Variants in SNX30 observed in about 807,000 individuals in gnomAD.
SNX30 encodes sorting nexin-30.
Under a neutral mutation model 46.4 loss-of-function variants are expected in SNX30, and 24 were observed. The ratio of observed to expected loss-of-function variants is 0.52; its 90% CI spans 0.37 to 0.73. The LOEUF is 0.73. SNX30 is among the 30% of genes least tolerant of loss of function. The pLI, the probability that SNX30 is intolerant of heterozygous loss-of-function variation, is 0.00. For missense variants in SNX30, 533 were observed against 555.7 expected, an observed-to-expected ratio of 0.96 and a Z score of 0.41; for synonymous variants, 189 against 211.5, an observed-to-expected ratio of 0.89 and a Z score of 0.92.
chr9:112,851,102 C>T (rs563245397), intron 7 of SNX30, among the ~76,000 whole-genome samples, 157 bp downstream of exon 7: 1 of 152,310 alleles, frequency 6.6e-6, no homozygotes, highest in South Asian at 2.1e-4. Flanking sequence ...TGTCCTATTT[C>T]TGCGAGTTCC....
At chr9:112,838,868 C>A (rs889741085) in intron 6 of SNX30, among the ~76,000 whole-genome samples, 171 bp downstream of exon 6, 2 of 151,514 alleles carry the variant, frequency 1.3e-5, no homozygotes, top group Admixed American at 6.6e-5. Flanking sequence ...ACATGGTGAA[C>A]GAAGTACGTG....
intron 1 of SNX30, among the ~76,000 whole-genome samples, chr9:112,791,888 T>A (rs1840030914): frequency 6.6e-6 from 1 of 152,182 alleles, no homozygotes; most frequent in African/African-American, 2.4e-5. Context: ...TAAATTGTAT[T>A]GATAAATTTC....
At chr9:112,880,432 A>G (rs1289248684) in exon 5 of SNX30, 2 of 153,530 alleles carry the variant, frequency 1.3e-5, no homozygotes, top group East Asian at 1.9e-4. Flanking sequence ...GCTAGTGCCA[A>G]CCAGCCTGAA....
At chr9:112,859,911 G>A (rs1160310311) in intron 7 of SNX30, among the ~76,000 whole-genome samples, 1 of 151,690 alleles carries the variant, frequency 6.6e-6, no homozygotes, top group Non-Finnish European at 1.5e-5. Flanking sequence ...TTATGATGTT[G>A]AGCATCTTTT....
Position 112,873,621 on chromosome 9 carries a change from A to C in SNX30, c.*4778A>C, listed in dbSNP as rs1375851631. ...GATATTTTTGATAATGTAAGGAAAC[A>C]CAGGGACCACAAAACCTTTTTTTTT... On this transcript the variant is annotated 3_prime_UTR_variant, in exon 9 of 9. Coordinates refer to ENST00000374232, the MANE Select transcript of SNX30 (RefSeq NM_001012994.2). 7.8e-6 allele frequency: 1 copy of C among 128,030 alleles called. No homozygotes were observed. Among genetic ancestry groups the C allele is most frequent in the African/African-American group, 2.9e-5 (1 of 34,626 alleles). 7.9% of individuals were successfully genotyped at this position (128,030 alleles called of 1,614,324 possible). A position where few individuals can be genotyped will look rare whatever the true frequency, so the allele number is the denominator to read the frequency against.
At chr9:112,832,712 C>T (rs1813150588) in intron 4 of SNX30, among the ~76,000 whole-genome samples, 1 of 148,878 alleles carries the variant, frequency 6.7e-6, no homozygotes, top group Non-Finnish European at 1.5e-5. Context: ...ACCAACATGG[C>T]ACATGTATAC....
chr9:112,821,778 G>A lies in SNX30; in HGVS notation c.459+3963G>A, dbSNP rs1044140130. 3.3e-5 allele frequency among the ~76,000 whole-genome samples: 5 copies of A among 150,712 alleles called. No individual in the cohort carries two copies. In the South Asian group the frequency reaches 8.5e-4, roughly 25 times the overall value. ...TGGGATTACAGGCTTGAGCCACTGCGCCCAGCCCCATTATATGTATAAAAT... is the reference window on the plus strand; with the variant it reads ...TGGGATTACAGGCTTGAGCCACTGCACCCAGCCCCATTATATGTATAAAAT... On this transcript the variant is annotated intron_variant, in intron 3 of 8. Transcript: ENST00000374232.
At chr9:112,880,071 C>A in exon 5 of SNX30, 1 of 370,386 alleles carries the variant, frequency 2.7e-6, no homozygotes, top group Non-Finnish European at 5.0e-6. Context: ...TGGCTTATGC[C>A]TGTAATCCCA....
At chr9:112,810,042 A>G (rs751438865) in intron 2 of SNX30, among the ~76,000 whole-genome samples, 1 of 151,986 alleles carries the variant, frequency 6.6e-6, no homozygotes, top group African/African-American at 2.4e-5. Context: ...TACTTTTTCC[A>G]TTGTTTGTGG....
intron 1 of SNX30, among the ~76,000 whole-genome samples, chr9:112,794,940 A>AT (rs946186116): frequency 6.6e-6 from 1 of 152,162 alleles, no homozygotes; most frequent in Non-Finnish European, 1.5e-5. Flanking sequence ...GAAAATTGGT[A>AT]TTTTGCAACA....
chr9:112,806,739 C>T (rs1840231334), intron 2 of SNX30, among the ~76,000 whole-genome samples: 1 of 152,152 alleles, frequency 6.6e-6, no homozygotes, highest in Admixed American at 6.5e-5. Context: ...TTCTTACTTA[C>T]CTTGTCCTTC....
At chr9:112,864,706 T>TG (rs780029714) in intron 8 of SNX30, among the ~76,000 whole-genome samples, 1 of 152,248 alleles carries the variant, frequency 6.6e-6, no homozygotes, top group East Asian at 1.9e-4. Context: ...AGCACAGTGA[T>TG]GCTGCCACCG....
At chr9:112,749,996 C>T (rs1373706989), upstream of SNX30, among the ~76,000 whole-genome samples, 1 of 152,182 alleles carries the variant, frequency 6.6e-6, no homozygotes, top group African/African-American at 2.4e-5. Context: ...CTATTTGCAC[C>T]ACGCCAGCAA....
intron 7 of SNX30, among the ~76,000 whole-genome samples, chr9:112,862,816 C>T (rs1353639581): frequency 6.6e-6 from 1 of 151,966 alleles, no homozygotes; most frequent in Non-Finnish European, 1.5e-5. Flanking sequence ...TCTGCCTTGG[C>T]CTCCCAAAGT....
intron 5 of SNX30, among the ~76,000 whole-genome samples, chr9:112,880,759 T>G (rs184425563): frequency 7.3e-4 from 111 of 152,332 alleles, no homozygotes; most frequent in Admixed American, 1.6e-3. Flanking sequence ...TCTCCATCCA[T>G]TAGGCCATCT....
intron 8 of SNX30, 56 bp from the exon 9 acceptor site, chr9:112,868,728 C>T: frequency 1.3e-6 from 2 of 1,595,754 alleles, no homozygotes; most frequent in Non-Finnish European, 1.7e-6. Context: ...AGAATTGAAG[C>T]TGACCCGAAA....
intron 6 of SNX30, among the ~76,000 whole-genome samples, chr9:112,848,638 G>T (rs1036137456): frequency 2.0e-5 from 3 of 152,242 alleles, no homozygotes; most frequent in Admixed American, 6.5e-5. Context: ...GTGCTGTCCA[G>T]TGATGCAGGG....
chr9:112,771,404 C>A (rs1225024132), intron 1 of SNX30, among the ~76,000 whole-genome samples: 1 of 152,148 alleles, frequency 6.6e-6, no homozygotes, highest in African/African-American at 2.4e-5. Flanking sequence ...AGGAATAAGG[C>A]AGCCCTGTAT....
intron 6 of SNX30, among the ~76,000 whole-genome samples, chr9:112,850,612 C>T (rs1324208237): frequency 6.6e-6 from 1 of 152,268 alleles, no homozygotes; most frequent in Non-Finnish European, 1.5e-5. Flanking sequence ...GAATTTCTTT[C>T]CTTTCAGCGT....
Sources: allele counts gnomAD v4.1 joint callset (sites outside exome capture counted in the v4.1 genomes callset), GRCh38; gene constraint gnomAD v4.1.1; transcripts MANE v1.5; gene names NCBI Gene and HGNC (gene_info 2026-07-23, HGNC 2026-07-21).